Variants in PEX3 observed in about 807,000 individuals in gnomAD.
PEX3 encodes peroxisomal biogenesis factor 3.
In PEX3, 30 loss-of-function variants were observed where a neutral mutation model predicts 55.8. The observed-to-expected ratio is 0.54, with a 90% CI of 0.40 to 0.73. The LOEUF (loss-of-function observed/expected upper bound fraction) is 0.73, where lower values mean the gene tolerates loss of function less well. PEX3 is among the 30% of genes least tolerant of loss of function. The probability of loss-of-function intolerance (pLI) is 0.00; values close to 1 mark genes in which losing one functional copy is unlikely to be tolerated. For missense variants in PEX3, 351 were observed against 432.8 expected (o/e 0.81, Z 1.68); for synonymous variants, 135 against 148.4 (o/e 0.91, Z 0.66).
intron 9 of PEX3, among the ~76,000 whole-genome samples, chr6:143,478,667 T>C (rs1780186244): frequency 6.6e-6 from 1 of 152,106 alleles, no homozygotes; most frequent in Non-Finnish European, 1.5e-5. Context: ...AGGCCTTTCG[T>C]CAAGCTTCTT....
chr6:143,450,952 T>A lies in PEX3; in HGVS notation c.-91T>A. On this transcript the variant is annotated 5_prime_UTR_variant, in exon 1 of 12. Transcript: ENST00000367591. The stretch of plus-strand genomic sequence containing the variant: ...GCACAGAACGGGACGACGGCGCTCT[T>A]GCTGGGTCATCTGGGCCAGGTGACG... 1 of 980,370 alleles carries A rather than the reference T, an allele frequency of 1.0e-6. No homozygotes were observed. The highest frequency in any genetic ancestry group is 1.7e-6 in the Non-Finnish European group (1 of 600,780). 60.7% of individuals were successfully genotyped at this position (980,370 alleles called of 1,614,324 possible).
intron 9 of PEX3, among the ~76,000 whole-genome samples, chr6:143,478,477 TACAC>T (rs1780183106): frequency 6.6e-6 from 1 of 152,086 alleles, no homozygotes; most frequent in Admixed American, 6.6e-5. Flanking sequence ...GATAGAAAGA[TACAC>T]ACATACACAT....
Position 143,458,473 on chromosome 6 carries a change from G to T in PEX3, c.74-612G>T. Among the ~76,000 whole-genome samples the T allele has an allele frequency of 6.6e-6, 1 of 151,816 alleles. No individual in the cohort carries two copies. The highest frequency in any genetic ancestry group is 2.4e-5 in the African/African-American group (1 of 41,302). On this transcript the variant is annotated intron_variant, in intron 1 of 11. Coordinates refer to ENST00000367591, the MANE Select transcript of PEX3 (RefSeq NM_003630.3). This position sits in a 1 kb window ranked among gnomAD's most constrained non-coding sequence, Gnocchi z 6.1. ...CCTGACTAACTACCTTTCTTTCATT[G>T]TTCCTTTTAAAATTTTTATCTTATA...
intron 1 of PEX3, among the ~76,000 whole-genome samples, chr6:143,457,717 C>T (rs1045091066): frequency 7.9e-5 from 12 of 152,152 alleles, no homozygotes; most frequent in African/African-American, 2.9e-4. Flanking sequence ...CAAGTTCTGG[C>T]ACACTTAAAA....
chr6:143,470,952 T>A lies in PEX3; in HGVS notation c.332-9T>A, dbSNP rs774963514. 86 of 1,610,870 alleles carry A rather than the reference T, an allele frequency of 5.3e-5. No individual in the cohort carries two copies. The East Asian group carries it at 1.9e-3, about 36-fold the overall frequency. On this transcript the variant is annotated splice_polypyrimidine_tract_variant and intron_variant, in intron 4 of 11. Transcript: ENST00000367591. The stretch of plus-strand genomic sequence containing the variant: ...CACAGTACCAAATGCTTTTCTTTTC[T>A]CTGTGAAGGTTTCACAAGAAGTACT...
At chr6:143,468,528 A>G (rs1299542182) in intron 4 of PEX3, among the ~76,000 whole-genome samples, 1 of 152,196 alleles carries the variant, frequency 6.6e-6, no homozygotes, top group East Asian at 1.9e-4. Context: ...AATTGAAACA[A>G]AAAGCTAAAC....
At chr6:143,474,550 A>T (rs1780124924) in intron 8 of PEX3, among the ~76,000 whole-genome samples, 1 of 152,184 alleles carries the variant, frequency 6.6e-6, no homozygotes, top group Admixed American at 6.5e-5. Flanking sequence ...GAAGGGCCAG[A>T]TAAACAGAGC....
intron 8 of PEX3, among the ~76,000 whole-genome samples, 192 bp downstream of exon 8, chr6:143,472,520 A>G (rs1466231988): frequency 6.6e-6 from 1 of 152,014 alleles, no homozygotes; most frequent in Non-Finnish European, 1.5e-5. Context: ...GCACTTAACA[A>G]TTTTAGATAT....
At chr6:143,452,917 G>T (rs771701206) in intron 1 of PEX3, among the ~76,000 whole-genome samples, 8 of 152,084 alleles carry the variant, frequency 5.3e-5, no homozygotes, top group Non-Finnish European at 7.4e-5. Flanking sequence ...CCCACTTTAC[G>T]CTGGGCATTG....
At position 143,475,834 on chromosome 6, in the gene PEX3, A is replaced by G. The variant is rs996084009; in HGVS notation, c.818+978A>G. Among the ~76,000 whole-genome samples the G allele has an allele frequency of 1.3e-5, 2 of 152,160 alleles. No individual in the cohort carries two copies. The highest frequency in any genetic ancestry group is 3.9e-4 in the East Asian group (2 of 5,194). ...GGAGCTTGTCTGGATTGAAATTTCT[A>G]CACTTCATAGATAGAAATAATTTGT... On this transcript the variant is annotated intron_variant, in intron 9 of 11. Transcript: ENST00000367591. This position sits in a 1 kb window ranked among gnomAD's most constrained non-coding sequence, Gnocchi z 4.4.
chr6:143,463,133 A>T lies in PEX3; in HGVS notation c.287+136A>T. 1 of 683,316 alleles carries T rather than the reference A, an allele frequency of 1.5e-6. No homozygotes were observed. Among genetic ancestry groups the T allele is most frequent in the South Asian group, 1.7e-5 (1 of 58,746 alleles). The allele number at this position is 683,316 out of a possible 1,614,324, so 42.3% of individuals were successfully genotyped here. On this transcript the variant is annotated intron_variant, in intron 3 of 11. Coordinates refer to ENST00000367591, the MANE Select transcript of PEX3 (RefSeq NM_003630.3). This position sits in a 1 kb window ranked among gnomAD's most constrained non-coding sequence, Gnocchi z 5.7. ...TATAGGCTCAGTAAGAAAAATACTA[A>T]CTATATCATTTAACCTACATTTAAT...
rs1779809048 is a variant in PEX3 at position 143,453,928 on chromosome 6, G to T, written c.73+2813G>T. Among the ~76,000 whole-genome samples, 1 of 152,024 alleles carries T rather than the reference G, an allele frequency of 6.6e-6. No individual in the cohort carries two copies. Among genetic ancestry groups the T allele is most frequent in the African/African-American group, 2.4e-5 (1 of 41,392 alleles). ...TAGAGAATTGACTCCCAAACTTTTTGATCTAAGGTCTCCTTTACACTCTGA... is the reference window on the plus strand; with the variant it reads ...TAGAGAATTGACTCCCAAACTTTTTTATCTAAGGTCTCCTTTACACTCTGA... On this transcript the variant is annotated intron_variant, in intron 1 of 11. Coordinates refer to ENST00000367591, the MANE Select transcript of PEX3 (RefSeq NM_003630.3). This position sits in a 1 kb window ranked among gnomAD's most constrained non-coding sequence, Gnocchi z 4.6.
intron 4 of PEX3, 46 bp from the exon 5 acceptor site, chr6:143,470,915 A>G (rs377497576): frequency 7.7e-6 from 12 of 1,568,516 alleles, no homozygotes; most frequent in Non-Finnish European, 1.1e-5. Flanking sequence ...GATTTTACAC[A>G]TTTGTATTAA....
At chr6:143,480,213 A>C (rs1301454477) in intron 10 of PEX3, among the ~76,000 whole-genome samples, 2 of 152,228 alleles carry the variant, frequency 1.3e-5, no homozygotes, top group African/African-American at 4.8e-5. Context: ...TTATACAAAA[A>C]TAAATTTCAG....
rs1300118565 is a variant in PEX3, at chr6:143,468,143, A to G, written c.309A>G (p.Ile103Met). The G allele has an allele frequency of 1.9e-6, 3 of 1,583,810 alleles. No individual in the cohort carries two copies. The highest frequency in any genetic ancestry group is 2.6e-6 in the Non-Finnish European group (3 of 1,153,790). Reference protein sequence around the residue: ...LKNRPSNKLEIWEDLKIISFT... With the variant: ...LKNRPSNKLEMWEDLKIISFT... ...TTAGGCCTTCAAACAAGCTAGAAATATGGGAGGATCTGAAGATAATAAGTA... is the reference window on the plus strand; with the variant it reads ...TTAGGCCTTCAAACAAGCTAGAAATGTGGGAGGATCTGAAGATAATAAGTA... Residue 103 changes from isoleucine (I) to methionine (M), a missense_variant, in exon 4 of 12, where the codon ATA becomes ATG. By Grantham distance (10) the Ile-to-Met change is conservative. Transcript: ENST00000367591.
In PEX3 at chr6:143,451,213, A is replaced by G; in HGVS notation, c.73+98A>G. ...ACAGGCCGGGCGATCCTAGTCTGGG[A>G]TATGTAGAGGGAGTTCGATCAACCA... On this transcript the variant is annotated intron_variant, in intron 1 of 11. Coordinates refer to ENST00000367591, the MANE Select transcript of PEX3 (RefSeq NM_003630.3). The surrounding 1 kb of genome is among the most constrained non-coding windows in gnomAD (Gnocchi z 4.1). 1 of 892,702 alleles carries G rather than the reference A, an allele frequency of 1.1e-6. No individual in the cohort carries two copies. The highest frequency in any genetic ancestry group is 1.9e-6 in the Non-Finnish European group (1 of 531,160). 55.3% of individuals were successfully genotyped at this position (892,702 alleles called of 1,614,324 possible).
Position 143,486,612 on chromosome 6 carries a change from AT to A in PEX3, c.1038+1365del, listed in dbSNP as rs1329909362. Reference sequence around the variant, plus strand: ...TTTAATTTTTTAAACTATAATTTCTATGAGTTAAAATACCAAGTGGTCTTCT... The same window carrying A: ...TTTAATTTTTTAAACTATAATTTCTAGAGTTAAAATACCAAGTGGTCTTCT... On this transcript the variant is annotated intron_variant, in intron 11 of 11. Transcript: ENST00000367591. This position sits in a 1 kb window ranked among gnomAD's most constrained non-coding sequence, Gnocchi z 5.0. 6.6e-6 allele frequency among the ~76,000 whole-genome samples: 1 copy of A among 152,168 alleles called. No individual in the cohort carries two copies. The highest frequency in any genetic ancestry group is 1.5e-5 in the Non-Finnish European group (1 of 68,002).
rs80247520 is a variant in PEX3 at position 143,464,711 on chromosome 6, G to A, written c.287+1714G>A. On this transcript the variant is annotated intron_variant, in intron 3 of 11. Coordinates refer to ENST00000367591, the MANE Select transcript of PEX3 (RefSeq NM_003630.3). The surrounding 1 kb of genome is among the most constrained non-coding windows in gnomAD (Gnocchi z 5.8). ...TTGAAATTACTATTTGTAATTTGGT[G>A]GGGGGAGAAGGGTAATATCCATTTG... Among the ~76,000 whole-genome samples, 4 of 151,610 alleles carry A rather than the reference G, an allele frequency of 2.6e-5. No individual in the cohort carries two copies. The highest frequency in any genetic ancestry group is 4.4e-5 in the Non-Finnish European group (3 of 67,782).
chr6:143,484,942 CAAAGAT>C, intron 10 of PEX3: 1 of 530,160 alleles, frequency 1.9e-6, no homozygotes. Context: ...CACAAAAAAA[CAAAGAT>C]ATGTGTAAAA....
Sources: gnomAD v4.1 joint callset for allele counts (sites outside exome capture counted in the v4.1 genomes callset) on GRCh38, gnomAD v4.1.1 for gene constraint, Gnocchi (gnomAD v3.1) non-coding constraint, MANE v1.5 for transcripts, NCBI Gene and HGNC (gene_info 2026-07-23, HGNC 2026-07-21) for gene names.